The following LRP1B variants were observed in gnomAD, a reference collection of about 807,000 sequenced individuals.
LRP1B encodes the protein LDL receptor related protein 1B, also known as low-density lipoprotein receptor-related protein 1B.
In LRP1B, 217 loss-of-function variants were observed where a neutral mutation model predicts 556.6. The ratio of observed to expected loss-of-function variants is 0.39; its 90% CI spans 0.35 to 0.44. The LOEUF is 0.44. LRP1B is among the 20% of genes least tolerant of loss of function. The pLI is 1.00. For synonymous variants in LRP1B, 2,047 were observed against 1,865.8 expected (o/e 1.10, Z -2.50); for missense variants, 5,053 against 5,620.8 (o/e 0.90, Z 3.23).
At chr2:140,545,384 G>T (rs888103227) in intron 43 of LRP1B, among the ~76,000 whole-genome samples, 11 of 152,004 alleles carry the variant, frequency 7.2e-5, no homozygotes, top group African/African-American at 2.7e-4. Flanking sequence ...GAATGGTATT[G>T]CCTAGCTTGT....
intron 2 of LRP1B, among the ~76,000 whole-genome samples, chr2:141,585,489 G>A (rs186907375): frequency 6.6e-6 from 1 of 150,558 alleles, no homozygotes; most frequent in African/African-American, 2.4e-5. Flanking sequence ...GGCTGAGGAA[G>A]AATGGCCACT....
intron 1 of LRP1B, among the ~76,000 whole-genome samples, chr2:141,895,063 A>AG (rs201337971): frequency 0.075 from 11,153 of 149,560 alleles, 527 homozygotes; most frequent in African/African-American, 0.13. Flanking sequence ...AAAAAAAAAA[A>AG]AAAGAAAAGA....
chr2:141,585,422 C>CGT (rs3041302), intron 2 of LRP1B, among the ~76,000 whole-genome samples: 15,551 of 129,070 alleles, frequency 0.12, 981 homozygotes, highest in Admixed American at 0.16. Flanking sequence ...CTGAAATAAT[C>CGT]GTGTGTGTGT....
chr2:141,915,879 A>G (rs781096969), intron 1 of LRP1B, among the ~76,000 whole-genome samples: 1 of 152,216 alleles, frequency 6.6e-6, no homozygotes, highest in Non-Finnish European at 1.5e-5. Flanking sequence ...CGTCAATGAG[A>G]TATCATCTCA....
chr2:141,976,735 A>G (rs1701898884), intron 1 of LRP1B, among the ~76,000 whole-genome samples: 2 of 152,282 alleles, frequency 1.3e-5, no homozygotes, highest in East Asian at 1.9e-4. Flanking sequence ...ATTGAGGGCA[A>G]TCTAGGTGGG....
At chr2:141,849,233 T>C (rs1419700934) in intron 1 of LRP1B, among the ~76,000 whole-genome samples, 1 of 151,666 alleles carries the variant, frequency 6.6e-6, no homozygotes. Context: ...CAGATTCTCT[T>C]GGGTTTTCTT....
chr2:140,477,989 T>C (rs1688042531), intron 59 of LRP1B, among the ~76,000 whole-genome samples: 1 of 152,152 alleles, frequency 6.6e-6, no homozygotes, highest in African/African-American at 2.4e-5. Flanking sequence ...AAAGAGTGAA[T>C]AATAATTTTA....
chr2:141,151,990 T>A (rs1228013464), intron 7 of LRP1B, among the ~76,000 whole-genome samples: 2 of 152,060 alleles, frequency 1.3e-5, no homozygotes, highest in Admixed American at 1.3e-4. Flanking sequence ...TCTTGCTTTT[T>A]CAGTTCATAA....
intron 18 of LRP1B, among the ~76,000 whole-genome samples, chr2:140,975,063 T>A (rs1305863539): frequency 3.3e-5 from 5 of 151,854 alleles, no homozygotes; most frequent in Non-Finnish European, 7.4e-5. Context: ...GGGAAAAAAA[T>A]TAAAAAAAGT....
rs185848183 is a variant in LRP1B, at chr2:142,042,687, G to T, written c.82+87961C>A. Among the ~76,000 whole-genome samples, 433 of 151,580 alleles carry T rather than the reference G, an allele frequency of 2.9e-3. 3 individuals are homozygous for T. Among genetic ancestry groups the T allele is most frequent in the African/African-American group, 9.3e-3 (384 of 41,414 alleles). On this transcript the variant is annotated intron_variant, in intron 1 of 90. Transcript: ENST00000389484. ...CAATCTATAGCTGTAAAAACATATT[G>T]CCTGGTTAAAAATGTTGAAATGTGT...
chr2:140,612,807 T>A (rs897486327), intron 41 of LRP1B, among the ~76,000 whole-genome samples: 3 of 152,064 alleles, frequency 2.0e-5, no homozygotes, highest in Admixed American at 1.3e-4. Flanking sequence ...ACATCATAAT[T>A]CTCTTGATAT....
intron 52 of LRP1B, 27 bp from the exon 53 acceptor site, chr2:140,506,945 G>C (rs1326798494): frequency 6.2e-7 from 1 of 1,610,678 alleles, no homozygotes; most frequent in Admixed American, 1.7e-5. Context: ...AAAAAATAAA[G>C]TTAGATGAGC....
chr2:142,120,763 A>G (rs1707429731), intron 1 of LRP1B, among the ~76,000 whole-genome samples: 1 of 152,190 alleles, frequency 6.6e-6, no homozygotes, highest in Non-Finnish European at 1.5e-5. Flanking sequence ...CTAATTCCCT[A>G]AAGAATACTG....
chr2:141,548,513 C>T lies in LRP1B; in HGVS notation c.206-67980G>A, dbSNP rs920863312. On this transcript the variant is annotated intron_variant, in intron 2 of 90. Coordinates refer to ENST00000389484, the MANE Select transcript of LRP1B (RefSeq NM_018557.3). ...CTAGCTACCCAAAAGACATGCTGACCTTTGAGGTTTTTTGCCCTTTGTTCA... is the reference window on the plus strand; with the variant it reads ...CTAGCTACCCAAAAGACATGCTGACTTTTGAGGTTTTTTGCCCTTTGTTCA... Among the ~76,000 whole-genome samples the T allele has an allele frequency of 2.6e-5, 4 of 152,152 alleles. 1 individual carries two copies. The highest frequency in any genetic ancestry group is 2.0e-4 in the Admixed American group (3 of 15,272).
chr2:140,881,668 C>G (rs1209053512), intron 25 of LRP1B, among the ~76,000 whole-genome samples: 1 of 151,952 alleles, frequency 6.6e-6, no homozygotes, highest in Non-Finnish European at 1.5e-5. Flanking sequence ...ATTTTATTAT[C>G]AATGTAATTA....
intron 86 of LRP1B, among the ~76,000 whole-genome samples, chr2:140,266,283 A>G (rs1480696099): frequency 6.6e-6 from 1 of 152,032 alleles, no homozygotes; most frequent in East Asian, 1.9e-4. Context: ...CACCTAACTG[A>G]GAAATCCAAT....
intron 2 of LRP1B, among the ~76,000 whole-genome samples, chr2:141,532,947 C>T (rs1037110879): frequency 4.6e-5 from 7 of 152,190 alleles, no homozygotes; most frequent in African/African-American, 1.7e-4. Context: ...GATTGGGCCA[C>T]TGCACTCCAA....
intron 66 of LRP1B, among the ~76,000 whole-genome samples, chr2:140,409,126 T>C (rs1028274586): frequency 2.0e-5 from 3 of 152,006 alleles, no homozygotes; most frequent in East Asian, 3.9e-4. Context: ...GATTACAACA[T>C]AGAGAAATCC....
rs927973166 is a variant in LRP1B, at chr2:140,793,869, G to A, written c.5360-17631C>T. ...AAATGTAGTTTATAAAGTGAGTATCGTCCTATAATTTTTTATTTTATAGTT... is the reference window on the plus strand; with the variant it reads ...AAATGTAGTTTATAAAGTGAGTATCATCCTATAATTTTTTATTTTATAGTT... On this transcript the variant is annotated intron_variant, in intron 32 of 90. Coordinates refer to ENST00000389484, the MANE Select transcript of LRP1B (RefSeq NM_018557.3). 5.9e-5 allele frequency among the ~76,000 whole-genome samples: 9 copies of A among 151,696 alleles called. 1 individual carries two copies. The highest frequency in any genetic ancestry group is 1.7e-4 in the African/African-American group (7 of 41,326).
Sources: allele counts gnomAD v4.1 joint callset (sites outside exome capture counted in the v4.1 genomes callset), GRCh38; gene constraint gnomAD v4.1.1; transcripts MANE v1.5; gene names NCBI Gene and HGNC (gene_info 2026-07-23, HGNC 2026-07-21).